Variants in CPQ observed in about 807,000 individuals in gnomAD.
CPQ encodes the protein Ser-Met dipeptidase.
In CPQ, 37 loss-of-function variants were observed where a neutral mutation model predicts 45.7. The ratio of observed to expected loss-of-function variants is 0.81; its 90% CI spans 0.62 to 1.07. The LOEUF is 1.07. Among genes scored for constraint, CPQ ranks in the 50% least tolerant of loss-of-function variants. The pLI is 0.00. For missense variants in CPQ, 537 were observed against 572.9 expected, an observed-to-expected ratio of 0.94 and a Z score of 0.64; for synonymous variants, 186 against 205.8, an observed-to-expected ratio of 0.90 and a Z score of 0.82.
chr8:96,702,339 C>T (rs563053634), intron 1 of CPQ, among the ~76,000 whole-genome samples: 7 of 151,854 alleles, frequency 4.6e-5, no homozygotes, highest in South Asian at 2.1e-4. Context: ...CCCGAAGGCC[C>T]GAGGCATAGA....
At position 97,039,960 on chromosome 8, in the gene CPQ, T is replaced by C. The variant is rs563386500; in HGVS notation, c.1053+10466T>C. ...ATAAACATACATGTGCATGTGTCTT[T>C]ATAGCAGCATGATTTGTAGTCCTTT... On this transcript the variant is annotated intron_variant, in intron 6 of 7. Coordinates refer to ENST00000220763, the MANE Select transcript of CPQ (RefSeq NM_016134.4). 2.0e-3 allele frequency among the ~76,000 whole-genome samples: 312 copies of C among 152,232 alleles called. 2 individuals are homozygous for C. The highest frequency in any genetic ancestry group is 7.2e-3 in the African/African-American group (301 of 41,532).
rs374829042 is a variant in CPQ at position 96,791,800 on chromosome 8, C to T, written c.433+6470C>T. Among the ~76,000 whole-genome samples the T allele has an allele frequency of 3.3e-5, 5 of 152,262 alleles. No individual in the cohort carries two copies. The East Asian group carries it at 9.7e-4, about 29-fold the overall frequency. On this transcript the variant is annotated intron_variant, in intron 2 of 7. Transcript: ENST00000220763. The stretch of plus-strand genomic sequence containing the variant: ...AAACCTGTCTTCTCACTTTGGCTTA[C>T]CACTAACTAGTTGTGTGACCTTGGT...
Position 97,143,319 on chromosome 8 carries a change from A to G in CPQ, c.*136A>G. On this transcript the variant is annotated 3_prime_UTR_variant, in exon 8 of 8. Transcript: ENST00000220763. ...ACTCTATTTCATGCTTTCTGTTATT[A>G]TCTTTCTTGATACTTTCCAAATTCT... 1 of 797,988 alleles carries G rather than the reference A, an allele frequency of 1.3e-6. No homozygotes were observed. Among genetic ancestry groups the G allele is most frequent in the Non-Finnish European group, 1.9e-6 (1 of 515,762 alleles). 49.4% of individuals were successfully genotyped at this position (797,988 alleles called of 1,614,324 possible). A position where few individuals can be genotyped will look rare whatever the true frequency, so the allele number is the denominator to read the frequency against.
chr8:96,762,041 T>C (rs540768613), intron 1 of CPQ, among the ~76,000 whole-genome samples: 276 of 152,334 alleles, frequency 1.8e-3, no homozygotes, highest in Non-Finnish European at 2.9e-3. Context: ...CAAGAATATT[T>C]GCTCAATAGC....
intron 4 of CPQ, among the ~76,000 whole-genome samples, chr8:96,944,760 G>T (rs947536006): frequency 8.5e-5 from 13 of 152,170 alleles, no homozygotes; most frequent in Admixed American, 6.5e-5. Context: ...TATTTGAGCA[G>T]CTTGCTAGTA....
chr8:96,945,351 T>C (rs1414032363), intron 4 of CPQ, among the ~76,000 whole-genome samples: 2 of 152,224 alleles, frequency 1.3e-5, no homozygotes, highest in Non-Finnish European at 2.9e-5. Context: ...ATAATGCAGA[T>C]AGTATATTGG....
At chr8:97,050,033 T>C (rs1268024937) in intron 6 of CPQ, among the ~76,000 whole-genome samples, 3 of 152,182 alleles carry the variant, frequency 2.0e-5, no homozygotes, top group Admixed American at 6.6e-5. Context: ...TAGCTTCTCC[T>C]GAAACTCTAA....
At chr8:96,817,753 A>G (rs774197255) in intron 2 of CPQ, among the ~76,000 whole-genome samples, 1 of 151,950 alleles carries the variant, frequency 6.6e-6, no homozygotes, top group African/African-American at 2.4e-5. Context: ...AGCTGGGACT[A>G]TAGGTACATG....
intron 7 of CPQ, chr8:97,133,379 G>A (rs990170242): frequency 6.6e-6 from 1 of 152,184 alleles, no homozygotes; most frequent in East Asian, 1.9e-4. Flanking sequence ...TAGAGTAATT[G>A]TGTATAAAAT....
chr8:96,880,848 G>A, intron 4 of CPQ, among the ~76,000 whole-genome samples: 1 of 151,668 alleles, frequency 6.6e-6, no homozygotes, highest in Non-Finnish European at 1.5e-5. Flanking sequence ...TTGGGTGACG[G>A]GTTCAACTGA....
At chr8:96,812,124 C>T (rs1294196332) in intron 2 of CPQ, among the ~76,000 whole-genome samples, 3 of 152,164 alleles carry the variant, frequency 2.0e-5, no homozygotes, top group Non-Finnish European at 4.4e-5. Flanking sequence ...TTTTAATATT[C>T]TAATCTAGCA....
intron 3 of CPQ, among the ~76,000 whole-genome samples, chr8:96,839,093 T>TTATATA (rs60795722): frequency 2.0e-5 from 3 of 148,258 alleles, no homozygotes; most frequent in Middle Eastern, 3.6e-3. Context: ...GAACATTATA[T>TTATATA]TATATATATA....
At chr8:96,792,865 T>C (rs974969345) in intron 2 of CPQ, among the ~76,000 whole-genome samples, 2 of 152,150 alleles carry the variant, frequency 1.3e-5, no homozygotes, top group African/African-American at 2.4e-5. Flanking sequence ...TGAATCACAG[T>C]TCCACATGGC....
chr8:96,908,747 G>GCGCACACACACA (rs149476038), intron 4 of CPQ, among the ~76,000 whole-genome samples: 17 of 140,918 alleles, frequency 1.2e-4, no homozygotes, highest in African/African-American at 3.1e-4. Flanking sequence ...ATACACATGC[G>GCGCACACACACA]CACACACACA....
At chr8:96,938,481 A>G (rs1813082946) in intron 4 of CPQ, among the ~76,000 whole-genome samples, 1 of 152,182 alleles carries the variant, frequency 6.6e-6, no homozygotes, top group Non-Finnish European at 1.5e-5. Flanking sequence ...TAGAGAGGGT[A>G]TAGGGAAAGC....
chr8:97,116,550 T>A (rs1040732367), intron 7 of CPQ, among the ~76,000 whole-genome samples: 5 of 152,200 alleles, frequency 3.3e-5, no homozygotes, highest in African/African-American at 1.2e-4. Context: ...AATTTGTGGT[T>A]CTTAAGGCTG....
intron 2 of CPQ, among the ~76,000 whole-genome samples, chr8:96,817,668 C>T (rs1373703571): frequency 6.6e-6 from 1 of 151,744 alleles, no homozygotes; most frequent in African/African-American, 2.4e-5. Flanking sequence ...GGCTGCACTG[C>T]TTTGGTGCAA....
At chr8:96,718,292 C>T (rs535099198) in intron 1 of CPQ, among the ~76,000 whole-genome samples, 3 of 152,318 alleles carry the variant, frequency 2.0e-5, no homozygotes, top group South Asian at 2.1e-4. Context: ...CGCGGACCCT[C>T]ACAGTGAGTG....
chr8:97,094,634 G>A (rs865933137), intron 7 of CPQ, among the ~76,000 whole-genome samples: 8 of 151,954 alleles, frequency 5.3e-5, no homozygotes, highest in Non-Finnish European at 5.9e-5. Flanking sequence ...TTCTGAGTCC[G>A]GTCCCCCTCT....
Sources: allele counts gnomAD v4.1 joint callset (sites outside exome capture counted in the v4.1 genomes callset), GRCh38; gene constraint gnomAD v4.1.1; transcripts MANE v1.5; gene names NCBI Gene and HGNC (gene_info 2026-07-23, HGNC 2026-07-21).